The following ANKFY1 variants were observed in gnomAD, a reference collection of about 807,000 sequenced individuals.
ANKFY1 encodes ankyrin repeat and FYVE domain-containing protein 1.
A neutral mutation model predicts 128.3 loss-of-function variants in ANKFY1; 47 were observed. The observed-to-expected ratio is 0.37, with a 90% CI of 0.29 to 0.47. ANKFY1 has a LOEUF of 0.47. Ranked by LOEUF, ANKFY1 falls within the 20% of genes least tolerant of loss-of-function variation. The pLI is 1.00. For synonymous variants in ANKFY1, 553 were observed against 601.6 expected, an observed-to-expected ratio of 0.92 and a Z score of 1.18; for missense variants, 1,222 against 1,510.6, an observed-to-expected ratio of 0.81 and a Z score of 3.17.
At chr17:4,213,531 A>G (rs1317475080) in intron 4 of ANKFY1, among the ~76,000 whole-genome samples, 1 of 151,608 alleles carries the variant, frequency 6.6e-6, no homozygotes, top group East Asian at 1.9e-4. Flanking sequence ...AATAAACAAG[A>G]ATGTAAGTTA....
At chr17:4,238,384 G>T (rs755189664) in intron 2 of ANKFY1, among the ~76,000 whole-genome samples, 8 of 151,958 alleles carry the variant, frequency 5.3e-5, no homozygotes, top group Non-Finnish European at 1.2e-4. Context: ...CATCTCGACA[G>T]CTTAGTCCCC....
chr17:4,261,300 C>T (rs1342467843), intron 1 of ANKFY1, among the ~76,000 whole-genome samples: 3 of 152,168 alleles, frequency 2.0e-5, no homozygotes, highest in Admixed American at 1.3e-4. Context: ...ACCAGCCTAG[C>T]CAACACAGTG....
At chr17:4,171,010 C>G (rs1598003427) in intron 22 of ANKFY1, 149 bp from the exon 23 acceptor site, 2 of 1,015,366 alleles carry the variant, frequency 2.0e-6, no homozygotes, top group East Asian at 2.6e-5. Context: ...GGCCCCGAGG[C>G]TCTGGAGAGA....
intron 5 of ANKFY1, 53 bp downstream of exon 5, chr17:4,209,771 G>A (rs935417030): frequency 1.5e-5 from 24 of 1,551,104 alleles, no homozygotes; most frequent in South Asian, 2.4e-5. Flanking sequence ...CCCCAGCGGC[G>A]GTCTCCTGAC....
intron 7 of ANKFY1, among the ~76,000 whole-genome samples, chr17:4,203,802 C>T (rs906216747): frequency 7.8e-5 from 8 of 103,084 alleles, no homozygotes; most frequent in South Asian, 3.3e-4. Context: ...GTGACAGGAG[C>T]GAAACTCCGT....
At chr17:4,236,704 TTA>T (rs913613500) in intron 2 of ANKFY1, among the ~76,000 whole-genome samples, 11 of 152,264 alleles carry the variant, frequency 7.2e-5, no homozygotes, top group East Asian at 3.9e-4. Flanking sequence ...CTGCTTGTAG[TTA>T]TATGTTTTAT....
At chr17:4,220,243 T>C (rs189324737) in intron 3 of ANKFY1, among the ~76,000 whole-genome samples, 2 of 152,342 alleles carry the variant, frequency 1.3e-5, no homozygotes, top group East Asian at 1.9e-4. Flanking sequence ...ATCACCATAG[T>C]AGATCTTGGA....
intron 3 of ANKFY1, among the ~76,000 whole-genome samples, chr17:4,233,803 T>C (rs566549676): frequency 7.2e-5 from 11 of 152,252 alleles, no homozygotes; most frequent in Non-Finnish European, 1.6e-4. Flanking sequence ...GGGCTCCGTA[T>C]GGCAGGGACT....
At chr17:4,170,683 T>A (rs2059300384) in intron 23 of ANKFY1, 32 bp downstream of exon 23, 3 of 1,588,112 alleles carry the variant, frequency 1.9e-6, no homozygotes, top group Non-Finnish European at 2.6e-6. Flanking sequence ...CGACTGTGCT[T>A]GCACTGTGAG....
chr17:4,217,456 A>G (rs2060240138), intron 3 of ANKFY1, among the ~76,000 whole-genome samples: 1 of 152,082 alleles, frequency 6.6e-6, no homozygotes, highest in African/African-American at 2.4e-5. Flanking sequence ...CTGAGGCAGG[A>G]GAATCGCTTG....
At chr17:4,187,261 A>C (rs962767539) in intron 11 of ANKFY1, 2 of 398,664 alleles carry the variant, frequency 5.0e-6, no homozygotes, top group Non-Finnish European at 8.8e-6. Flanking sequence ...TGCGTGTCAC[A>C]GACTGATTCT....
rs1567908600 is a variant in ANKFY1, at chr17:4,174,069, A to G, written c.2776-13T>C. On this transcript the variant is annotated splice_polypyrimidine_tract_variant and intron_variant, in intron 19 of 24. Transcript: ENST00000341657. ...CTCCCGCAAGAAGCTGTTGAAGTTC[A>G]TTACATGAACAGTCAGTCTCTCTGC... is the stretch of plus-strand genomic sequence containing the variant. 6.2e-7 allele frequency: 1 copy of G among 1,613,126 alleles called. No homozygotes were observed. Among genetic ancestry groups the G allele is most frequent in the South Asian group, 1.1e-5 (1 of 90,956 alleles).
intron 1 of ANKFY1, among the ~76,000 whole-genome samples, chr17:4,248,145 T>G (rs1967653399): frequency 6.6e-6 from 1 of 152,296 alleles, no homozygotes; most frequent in Admixed American, 6.5e-5. Context: ...GATACTATCT[T>G]AGAGCAGGTG....
chr17:4,218,456 G>T (rs1466535877), intron 3 of ANKFY1, among the ~76,000 whole-genome samples: 1 of 152,192 alleles, frequency 6.6e-6, no homozygotes, highest in Non-Finnish European at 1.5e-5. Context: ...ACTTGTATAA[G>T]ATCTCATTGG....
intron 3 of ANKFY1, among the ~76,000 whole-genome samples, chr17:4,229,753 G>A (rs2060483393): frequency 2.0e-5 from 3 of 152,218 alleles, no homozygotes; most frequent in Admixed American, 2.0e-4. Flanking sequence ...AGGCCACAAG[G>A]CTGTTTGAGT....
At chr17:4,256,094 G>A (rs1325073153) in intron 1 of ANKFY1, among the ~76,000 whole-genome samples, 2 of 151,954 alleles carry the variant, frequency 1.3e-5, no homozygotes, top group Admixed American at 6.6e-5. Flanking sequence ...GGGATTACAG[G>A]TGTGAGGCAC....
intron 6 of ANKFY1, among the ~76,000 whole-genome samples, chr17:4,206,783 G>C (rs1456913818): frequency 6.6e-6 from 1 of 152,216 alleles, no homozygotes; most frequent in Non-Finnish European, 1.5e-5. Flanking sequence ...ACGAGTGCCA[G>C]GCAGAGGCTC....
At position 4,169,096 on chromosome 17, in the gene ANKFY1, G is replaced by A; in HGVS notation, c.3377+102C>T. The A allele has an allele frequency of 1.8e-6, 2 of 1,090,696 alleles. No individual in the cohort carries two copies. The highest frequency in any genetic ancestry group is 2.7e-6 in the Non-Finnish European group (2 of 739,456). 67.6% of individuals were successfully genotyped at this position (1,090,696 alleles called of 1,614,324 possible). ...ATTTGGTCAAGGTTTGCCCATCAAT[G>A]TGCAGGACCCAGGCAAGTTCACGGC... On this transcript the variant is annotated intron_variant, in intron 24 of 24. Transcript: ENST00000341657. The surrounding 1 kb of genome is among the most constrained non-coding windows in gnomAD (Gnocchi z 5.0).
intron 22 of ANKFY1, among the ~76,000 whole-genome samples, chr17:4,172,054 G>A (rs865977357): frequency 6.6e-6 from 1 of 152,158 alleles, no homozygotes; most frequent in African/African-American, 2.4e-5. Flanking sequence ...AAGCTAGGAG[G>A]GCCACACGAA....
Sources: allele counts gnomAD v4.1 joint callset (sites outside exome capture counted in the v4.1 genomes callset), GRCh38; gene constraint gnomAD v4.1.1; non-coding constraint Gnocchi (gnomAD v3.1); transcripts MANE v1.5; gene names NCBI Gene and HGNC (gene_info 2026-07-23, HGNC 2026-07-21).